Variants in CEACAM19 observed in about 807,000 individuals in gnomAD.
CEACAM19 encodes cell adhesion molecule CEACAM19.
Under a neutral mutation model 37.6 loss-of-function variants are expected in CEACAM19, and 37 were observed. The observed-to-expected ratio is 0.98, with a 90% CI of 0.76 to 1.29. The LOEUF (loss-of-function observed/expected upper bound fraction) is 1.29. Ranked by LOEUF, CEACAM19 falls within the 50% of genes most tolerant of loss-of-function variation. The pLI, the probability that CEACAM19 is intolerant of heterozygous loss-of-function variation, is 0.00. For synonymous variants in CEACAM19, 140 were observed against 149.8 expected (o/e 0.93, Z 0.48); for missense variants, 340 against 375.6 (o/e 0.91, Z 0.78).
intron 2 of CEACAM19, among the ~76,000 whole-genome samples, chr19:44,675,550 C>T (rs899815262): frequency 6.6e-6 from 1 of 151,942 alleles, no homozygotes; most frequent in African/African-American, 2.4e-5. Context: ...CTTTGGGAGA[C>T]CAAGGCAGTA....
In CEACAM19 at chr19:44,682,873, A is replaced by G; in HGVS notation, c.846+253A>G. 4 of 448,452 alleles carry G rather than the reference A, an allele frequency of 8.9e-6. No homozygotes were observed. In the South Asian group the frequency reaches 1.1e-4, roughly 12 times the overall value. 27.8% of individuals were successfully genotyped at this position (448,452 alleles called of 1,614,324 possible). A position where few individuals can be genotyped will look rare whatever the true frequency, so the allele number is the denominator to read the frequency against. Reference sequence around the variant, plus strand: ...AAAACCTTGAACTTGCACAGGAGGAACAAGGCCCAGAGAGGGACAGGGGAT... The same window carrying G: ...AAAACCTTGAACTTGCACAGGAGGAGCAAGGCCCAGAGAGGGACAGGGGAT... On this transcript the variant is annotated intron_variant, in intron 7 of 7. Coordinates refer to ENST00000358777, the MANE Select transcript of CEACAM19 (RefSeq NM_001127893.3).
At chr19:44,676,514 C>G in intron 3 of CEACAM19, 93 bp downstream of exon 3, 1 of 1,273,272 alleles carries the variant, frequency 7.9e-7, no homozygotes. Context: ...CCGGCTCATA[C>G]ACAATCTCAT....
Position 44,682,687 on chromosome 19 carries a change from G to T in CEACAM19, c.846+67G>T, listed in dbSNP as rs151002015. 2,566 of 1,469,604 alleles carry T rather than the reference G, an allele frequency of 1.7e-3. 48 individuals are homozygous for T. The African/African-American group carries it at 0.031, about 18-fold the overall frequency. 91.0% of individuals were successfully genotyped at this position (1,469,604 alleles called of 1,614,324 possible). A position where few individuals can be genotyped will look rare whatever the true frequency, so the allele number is the denominator to read the frequency against. ...GATCCAGGAGCCCCGAAGCCGGGGT[G>T]GGGAGGGGTCAAGACAACTGAAACT... On this transcript the variant is annotated intron_variant, in intron 7 of 7. Coordinates refer to ENST00000358777, the MANE Select transcript of CEACAM19 (RefSeq NM_001127893.3).
intron 1 of CEACAM19, 121 bp downstream of exon 1, chr19:44,672,107 G>T: frequency 1.2e-6 from 1 of 812,438 alleles, no homozygotes. Context: ...ATAAGATGGG[G>T]GAGGGGCAAC....
In CEACAM19 at chr19:44,675,905, G is replaced by C. The variant is rs536927942; in HGVS notation, c.425-366G>C. On this transcript the variant is annotated intron_variant, in intron 2 of 7. Coordinates refer to ENST00000358777, the MANE Select transcript of CEACAM19 (RefSeq NM_001127893.3). ...AGGGAAGCAGCAACATCGAGATATA[G>C]GACAGCTAAGGAGTTCCATCTGGGA... Among the ~76,000 whole-genome samples the C allele has an allele frequency of 3.5e-3, 537 of 152,070 alleles. 1 individual carries two copies. Among genetic ancestry groups the C allele is most frequent in the African/African-American group, 0.012 (488 of 41,498 alleles).
chr19:44,667,757 A>C (rs1331810097), upstream of CEACAM19, among the ~76,000 whole-genome samples: 1 of 75,748 alleles, frequency 1.3e-5, no homozygotes, highest in African/African-American at 5.7e-5. Flanking sequence ...AAATTATATA[A>C]ATTATATATA....
upstream of CEACAM19, chr19:44,671,278 C>G (rs746441517): frequency 6.3e-6 from 1 of 158,338 alleles, no homozygotes; most frequent in Non-Finnish European, 1.4e-5. Flanking sequence ...CCCACCACCA[C>G]GCCTGACTAA....
At chr19:44,668,219 T>C (rs1419290572), upstream of CEACAM19, among the ~76,000 whole-genome samples, 3 of 86,978 alleles carry the variant, frequency 3.4e-5, no homozygotes, top group African/African-American at 4.7e-5. Context: ...ATTTATATAA[T>C]ATTTATATAT....
chr19:44,672,229 A>C (rs149599164), intron 1 of CEACAM19, among the ~76,000 whole-genome samples: 79 of 152,304 alleles, frequency 5.2e-4, no homozygotes, highest in Admixed American at 8.5e-4. Context: ...GTGTCTAGAA[A>C]TTGAAGGAAG....
upstream of CEACAM19, among the ~76,000 whole-genome samples, chr19:44,669,537 C>T (rs1438323959): frequency 6.6e-5 from 10 of 152,064 alleles, no homozygotes; most frequent in Non-Finnish European, 1.0e-4. Context: ...CACATTTGAT[C>T]TCTCCTACCT....
chr19:44,676,333 ATCAT>A lies in CEACAM19; in HGVS notation c.489_492del (p.Ile163MetfsTer19). The A allele has an allele frequency of 6.2e-7, 1 of 1,614,068 alleles. No homozygotes were observed. Among genetic ancestry groups the A allele is most frequent in the Non-Finnish European group, 8.5e-7 (1 of 1,180,026 alleles). ...CAACGCTGGGATCCTGGCGGCCACCATCATTGGATCTCTTGCTGCCGGGGCCCTT... is the reference window on the plus strand; with the variant it reads ...CAACGCTGGGATCCTGGCGGCCACCATGGATCTCTTGCTGCCGGGGCCCTT... On this transcript the variant is annotated frameshift_variant, in exon 3 of 8. Coordinates refer to ENST00000358777, the MANE Select transcript of CEACAM19 (RefSeq NM_001127893.3). LOFTEE classifies it high-confidence loss of function.
intron 4 of CEACAM19, among the ~76,000 whole-genome samples, chr19:44,679,654 C>T (rs975519762): frequency 4.6e-5 from 7 of 152,062 alleles, no homozygotes; most frequent in African/African-American, 1.7e-4. Flanking sequence ...GAGGCTGAGG[C>T]AGGAGAATGG....
In CEACAM19 at chr19:44,683,745, A is replaced by G. The variant is rs1974108021; in HGVS notation, c.*255A>G. 5.2e-6 allele frequency: 2 copies of G among 384,772 alleles called. No individual in the cohort carries two copies. 23.8% of individuals were successfully genotyped at this position (384,772 alleles called of 1,614,324 possible). On this transcript the variant is annotated 3_prime_UTR_variant, in exon 8 of 8. Coordinates refer to ENST00000358777, the MANE Select transcript of CEACAM19 (RefSeq NM_001127893.3). ...TCCTTCAAGCAAGCTGGCCTGGGCC[A>G]TGTGCCTGTGAAAGGCAGGCTCTGG...
upstream of CEACAM19, among the ~76,000 whole-genome samples, chr19:44,667,611 A>AATATATAT (rs1161780652): frequency 0.059 from 6,051 of 103,148 alleles, 253 homozygotes; most frequent in Non-Finnish European, 0.084. Context: ...ATAAATATAT[A>AATATATAT]TTATATATTT....
At chr19:44,681,023 TG>T (rs1974048338) in intron 5 of CEACAM19, among the ~76,000 whole-genome samples, 8 of 150,512 alleles carry the variant, frequency 5.3e-5, no homozygotes, top group Admixed American at 2.0e-4. Context: ...GAGACTGGTC[TG>T]CGTCCCCCAC....
chr19:44,676,654 G>A (rs986690451), intron 3 of CEACAM19, among the ~76,000 whole-genome samples: 7 of 152,096 alleles, frequency 4.6e-5, no homozygotes, highest in Admixed American at 6.6e-5. Context: ...TCAGGGTCTC[G>A]CTCTGTCACC....
chr19:44,674,725 T>G (rs1428623867), intron 2 of CEACAM19, among the ~76,000 whole-genome samples: 1 of 151,882 alleles, frequency 6.6e-6, no homozygotes, highest in Non-Finnish European at 1.5e-5. Context: ...TTAAAATGAG[T>G]TTTGGACAGT....
At chr19:44,666,635 A>G (rs914185162), upstream of CEACAM19, among the ~76,000 whole-genome samples, 1 of 152,066 alleles carries the variant, frequency 6.6e-6, no homozygotes, top group Non-Finnish European at 1.5e-5. Flanking sequence ...GTGCCACTGC[A>G]CTCCAGCTTG....
upstream of CEACAM19, among the ~76,000 whole-genome samples, chr19:44,670,781 GAAAAAAAAAAAAAAAAAA>G (rs74691226): frequency 1.5e-4 from 9 of 58,178 alleles, no homozygotes; most frequent in South Asian, 7.6e-4. Context: ...CCTGTCTCAA[GAAAAAAAAAAAAAAAAAA>G]AAAAAAAAAA....
Sources: allele counts gnomAD v4.1 joint callset (sites outside exome capture counted in the v4.1 genomes callset), GRCh38; gene constraint gnomAD v4.1.1; transcripts MANE v1.5; gene names NCBI Gene and HGNC (gene_info 2026-07-23, HGNC 2026-07-21).